Variants in ROBO1 observed in about 807,000 individuals in gnomAD.
ROBO1 encodes the protein roundabout homolog 1.
Under a neutral mutation model 195.9 loss-of-function variants are expected in ROBO1, and 149 were observed. That is an observed-to-expected ratio of 0.76 (90% CI 0.67 to 0.87). ROBO1 has a LOEUF of 0.87. Ranked by LOEUF, ROBO1 falls within the 40% of genes least tolerant of loss-of-function variation. The pLI, the probability that ROBO1 is intolerant of heterozygous loss-of-function variation, is 0.00. For missense variants in ROBO1, 1,933 were observed against 2,068.3 expected, an observed-to-expected ratio of 0.93 and a Z score of 1.27; for synonymous variants, 816 against 733.2, an observed-to-expected ratio of 1.11 and a Z score of -1.82.
At chr3:79,197,724 T>G (rs1404984198) in intron 2 of ROBO1, among the ~76,000 whole-genome samples, 1 of 151,940 alleles carries the variant, frequency 6.6e-6, no homozygotes, top group Admixed American at 6.6e-5. Context: ...TTTTAGTGAT[T>G]GCCACTGTAA....
At chr3:79,624,940 T>C (rs1945122212) in intron 1 of ROBO1, among the ~76,000 whole-genome samples, 1 of 152,144 alleles carries the variant, frequency 6.6e-6, no homozygotes, top group Non-Finnish European at 1.5e-5. Flanking sequence ...ATCGACCACA[T>C]AATTGGAAGT....
chr3:79,044,239 G>T (rs142463979), intron 3 of ROBO1, among the ~76,000 whole-genome samples: 1,803 of 152,144 alleles, frequency 0.012, 19 homozygotes, highest in South Asian at 0.021. Flanking sequence ...TGTGGGCTGT[G>T]GGGTGGACAA....
At chr3:78,844,205 C>T (rs1456683389) in intron 4 of ROBO1, among the ~76,000 whole-genome samples, 1 of 152,088 alleles carries the variant, frequency 6.6e-6, no homozygotes, top group Non-Finnish European at 1.5e-5. Context: ...ATTTGCCTTT[C>T]TAAGAAACTC....
intron 3 of ROBO1, among the ~76,000 whole-genome samples, chr3:79,102,176 C>T (rs967593296): frequency 6.6e-5 from 10 of 151,644 alleles, no homozygotes; most frequent in East Asian, 1.9e-4. Context: ...TAATAGCATA[C>T]GATGTTTATT....
intron 1 of ROBO1, among the ~76,000 whole-genome samples, chr3:79,658,552 C>T (rs1196608525): frequency 1.3e-5 from 2 of 151,940 alleles, no homozygotes; most frequent in African/African-American, 4.8e-5. Context: ...TTATTTTTGA[C>T]AGCTAAAGTG....
intron 2 of ROBO1, among the ~76,000 whole-genome samples, chr3:79,179,038 A>G (rs1218201679): frequency 2.0e-5 from 3 of 152,156 alleles, no homozygotes; most frequent in Non-Finnish European, 4.4e-5. Context: ...AGAAAATTCC[A>G]TTTATCTCAG....
intron 2 of ROBO1, among the ~76,000 whole-genome samples, chr3:79,578,884 G>A (rs1051081704): frequency 6.6e-6 from 1 of 152,128 alleles, no homozygotes; most frequent in Non-Finnish European, 1.5e-5. Flanking sequence ...TTTTCATTAT[G>A]TTTGCCACGT....
chr3:79,733,876 C>A lies in ROBO1; in HGVS notation c.-51+33876G>T, dbSNP rs146505865. On this transcript the variant is annotated intron_variant, in intron 1 of 30. Coordinates refer to ENST00000464233, the MANE Select transcript of ROBO1 (RefSeq NM_002941.4). The stretch of plus-strand genomic sequence containing the variant: ...ATATGCCAAATTCTTAGACATTTTC[C>A]CCCTTACATAACACTGGTCTGGCTT... 5.7e-3 allele frequency among the ~76,000 whole-genome samples: 860 copies of A among 151,992 alleles called. 7 individuals are homozygous for A. Among genetic ancestry groups the A allele is most frequent in the African/African-American group, 0.018 (742 of 41,468 alleles).
chr3:79,303,062 T>C (rs2033041269), intron 2 of ROBO1, among the ~76,000 whole-genome samples: 1 of 152,112 alleles, frequency 6.6e-6, no homozygotes, highest in South Asian at 2.1e-4. Context: ...ATAGATATAA[T>C]TGTATGTATT....
intron 3 of ROBO1, among the ~76,000 whole-genome samples, chr3:79,070,873 G>T (rs2108434937): frequency 6.6e-6 from 1 of 151,208 alleles, no homozygotes; most frequent in African/African-American, 2.4e-5. Context: ...TGTATTTTTT[G>T]ACTCTATAGC....
chr3:79,449,662 GTTTT>G (rs555412380), intron 2 of ROBO1, among the ~76,000 whole-genome samples: 4 of 151,804 alleles, frequency 2.6e-5, no homozygotes, highest in Admixed American at 6.6e-5. Flanking sequence ...AAATATTTGA[GTTTT>G]TTTTCTGGAA....
At chr3:79,720,690 TC>T (rs527638337) in intron 1 of ROBO1, among the ~76,000 whole-genome samples, 100 of 152,292 alleles carry the variant, frequency 6.6e-4, no homozygotes, top group African/African-American at 2.2e-3. Context: ...TTCATAATGT[TC>T]TTTGGAAATA....
In ROBO1 at chr3:78,668,308, A is replaced by G. The variant is rs1707855939; in HGVS notation, c.1631-6T>C. On this transcript the variant is annotated splice_polypyrimidine_tract_variant and splice_region_variant and intron_variant, in intron 12 of 30. Coordinates refer to ENST00000464233, the MANE Select transcript of ROBO1 (RefSeq NM_002941.4). ...CTGAACTGGAACTCCAAATTCTAAAAAGCAGGAAAAAGGCCAAAATAAAAG... is the reference window on the plus strand; with the variant it reads ...CTGAACTGGAACTCCAAATTCTAAAGAGCAGGAAAAAGGCCAAAATAAAAG... 1 of 1,611,898 alleles carries G rather than the reference A, an allele frequency of 6.2e-7. No homozygotes were observed. Among genetic ancestry groups the G allele is most frequent in the Non-Finnish European group, 8.5e-7 (1 of 1,179,138 alleles).
intron 2 of ROBO1, among the ~76,000 whole-genome samples, chr3:79,324,550 A>T (rs1430170440): frequency 6.6e-6 from 1 of 152,170 alleles, no homozygotes; most frequent in African/African-American, 2.4e-5. Flanking sequence ...GACAAGAGAG[A>T]GTTCTGGAAG....
chr3:79,391,927 C>A (rs1046222270), intron 2 of ROBO1, among the ~76,000 whole-genome samples: 1 of 152,146 alleles, frequency 6.6e-6, no homozygotes, highest in East Asian at 1.9e-4. Context: ...ACTTCTCCCT[C>A]GATTTGTATC....
At chr3:78,860,422 C>G (rs1381522424) in intron 4 of ROBO1, among the ~76,000 whole-genome samples, 2 of 149,300 alleles carry the variant, frequency 1.3e-5, no homozygotes, top group Non-Finnish European at 3.0e-5. Flanking sequence ...TCTAGTCTAC[C>G]TGTGAGTAAA....
In ROBO1 at chr3:79,518,660, T is replaced by A. The variant is rs766065043; in HGVS notation, c.88+71164A>T. Among the ~76,000 whole-genome samples, 26 of 152,018 alleles carry A rather than the reference T, an allele frequency of 1.7e-4. No individual in the cohort carries two copies. The East Asian group carries it at 2.7e-3, about 16-fold the overall frequency. ...CTATATTATGCATAGATAATAAACA[T>A]TCTCCAAATCTTTTATTATTATTAT... is the stretch of plus-strand genomic sequence containing the variant. On this transcript the variant is annotated intron_variant, in intron 2 of 30. Coordinates refer to ENST00000464233, the MANE Select transcript of ROBO1 (RefSeq NM_002941.4).
intron 1 of ROBO1, among the ~76,000 whole-genome samples, chr3:79,674,060 C>CCA (rs1946711480): frequency 1.3e-5 from 2 of 152,014 alleles, no homozygotes; most frequent in Non-Finnish European, 2.9e-5. Flanking sequence ...CAATAATCTA[C>CCA]TGCTTTCCTG....
chr3:78,709,106 A>C (rs951462885), intron 8 of ROBO1, among the ~76,000 whole-genome samples: 6 of 152,210 alleles, frequency 3.9e-5, no homozygotes, highest in Non-Finnish European at 8.8e-5. Context: ...CTGATGGTTA[A>C]CATGTATAGG....
Sources: gnomAD v4.1 joint callset for allele counts (sites outside exome capture counted in the v4.1 genomes callset) on GRCh38, gnomAD v4.1.1 for gene constraint, MANE v1.5 for transcripts, NCBI Gene and HGNC (gene_info 2026-07-23, HGNC 2026-07-21) for gene names.